NRP2: variants seen among roughly 807,000 people sequenced by gnomAD.
NRP2 encodes neuropilin 2.
A neutral mutation model predicts 110.4 loss-of-function variants in NRP2; 52 were observed. That is an observed-to-expected ratio of 0.47 (90% CI 0.38 to 0.59). The LOEUF (loss-of-function observed/expected upper bound fraction) is 0.59, where lower values mean the gene tolerates loss of function less well. NRP2 is among the 20% of genes least tolerant of loss of function. The pLI is 0.00. For synonymous variants in NRP2, 508 were observed against 468.9 expected (o/e 1.08, Z -1.08); for missense variants, 1,049 against 1,203.0 (o/e 0.87, Z 1.89).
chr2:205,794,834 T>C lies in NRP2; in HGVS notation c.2557T>C (p.Trp853Arg), dbSNP rs772477864. The C allele has an allele frequency of 5.6e-6, 9 of 1,614,208 alleles. No homozygotes were observed. In the South Asian group the frequency reaches 9.9e-5, roughly 18 times the overall value. ...CCCCTCGACCGACAAAGAAAAGAGC[T>C]GGCTGTACACCCTGGATCCCATCCT... is the stretch of plus-strand genomic sequence containing the variant. ...GAPSTDKEKS[W>R]LYTLDPILIT... The change falls in exon 17 of 17, where the codon TGG (tryptophan) becomes CGG (arginine). Residue 853 changes from tryptophan (W) to arginine (R), a missense_variant. By Grantham distance (101) the Trp-to-Arg change is moderately radical. Coordinates refer to ENST00000357785, the MANE Select transcript of NRP2 (RefSeq NM_003872.3).
At chr2:205,706,888 C>G (rs866484092) in intron 2 of NRP2, among the ~76,000 whole-genome samples, 1 of 152,162 alleles carries the variant, frequency 6.6e-6, no homozygotes, top group Admixed American at 6.5e-5. Context: ...CTCCACTGGT[C>G]GCTACAATAT....
At chr2:205,709,304 A>G (rs949728665) in intron 2 of NRP2, among the ~76,000 whole-genome samples, 8 of 152,158 alleles carry the variant, frequency 5.3e-5, no homozygotes, top group African/African-American at 1.9e-4. Context: ...CTGGCTCCCA[A>G]GGTGTCATGT....
At chr2:205,752,719 C>A in intron 11 of NRP2, 116 bp from the exon 12 acceptor site, 1 of 1,089,444 alleles carries the variant, frequency 9.2e-7, no homozygotes. Context: ...CAAAGGAAGC[C>A]ACTTCTTTCT....
chr2:205,785,919 T>C (rs2058231446), intron 15 of NRP2, among the ~76,000 whole-genome samples: 1 of 152,192 alleles, frequency 6.6e-6, no homozygotes, highest in Admixed American at 6.5e-5. Context: ...TTTTCCGCAC[T>C]TGAAACCATT....
intron 16 of NRP2, 23 bp downstream of exon 16, chr2:205,792,308 A>G: frequency 6.3e-7 from 1 of 1,583,466 alleles, no homozygotes; most frequent in Non-Finnish European, 8.7e-7. Flanking sequence ...ATGATTTAGC[A>G]GGTAATCGTA....
At position 205,743,394 on chromosome 2, in the gene NRP2, C is replaced by T; in HGVS notation, c.1483C>T (p.Pro495Ser). 2 of 1,614,246 alleles carry T rather than the reference C, an allele frequency of 1.2e-6. No homozygotes were observed. Among genetic ancestry groups the T allele is most frequent in the East Asian group, 2.2e-5 (1 of 44,884 alleles). The change falls in exon 9 of 17, where the codon CCC (proline) becomes TCC (serine). Residue 495 changes from proline (P) to serine (S), a missense_variant. Transcript: ENST00000357785. ...EEWLQVDLGT[P>S]KTVKGVIIQG... ...GTGGCTTCAGGTAGATCTGGGAACA[C>T]CCAAGACAGTGAAAGGTGTCATCAT...
chr2:205,791,392 G>T (rs2058299643), intron 15 of NRP2, among the ~76,000 whole-genome samples: 1 of 152,184 alleles, frequency 6.6e-6, no homozygotes, highest in Non-Finnish European at 1.5e-5. Context: ...ATAAGATGTT[G>T]CTCTTTGCCA....
At position 205,686,296 on chromosome 2, in the gene NRP2, A is replaced by C. The variant is rs896829121; in HGVS notation, c.73+2933A>C. 2.0e-5 allele frequency among the ~76,000 whole-genome samples: 3 copies of C among 151,998 alleles called. No individual in the cohort carries two copies. The highest frequency in any genetic ancestry group is 7.2e-5 in the African/African-American group (3 of 41,382). Reference sequence around the variant, plus strand: ...TTCTTCAACGCTGCCCTATGCCGGAAAGTTAGGTCTCGGCTGCAGCGCTGG... The same window carrying C: ...TTCTTCAACGCTGCCCTATGCCGGACAGTTAGGTCTCGGCTGCAGCGCTGG... On this transcript the variant is annotated intron_variant, in intron 1 of 16. Coordinates refer to ENST00000357785, the MANE Select transcript of NRP2 (RefSeq NM_003872.3). The surrounding 1 kb of genome is among the most constrained non-coding windows in gnomAD (Gnocchi z 4.7).
chr2:205,739,148 T>C (rs570619575), intron 7 of NRP2, among the ~76,000 whole-genome samples: 1 of 152,286 alleles, frequency 6.6e-6, no homozygotes, highest in South Asian at 2.1e-4. Flanking sequence ...ACAGTGACTC[T>C]ACCTCCATTC....
chr2:205,721,589 T>C (rs1490239610), intron 3 of NRP2, among the ~76,000 whole-genome samples: 3 of 152,132 alleles, frequency 2.0e-5, no homozygotes, highest in East Asian at 1.9e-4. Context: ...AATCCTCTTA[T>C]GAGCTCCTGT....
At chr2:205,734,505 C>T (rs531120997) in intron 7 of NRP2, among the ~76,000 whole-genome samples, 16 of 146,004 alleles carry the variant, frequency 1.1e-4, no homozygotes, top group Admixed American at 4.3e-4. Context: ...TTTATTTTTA[C>T]GTGTAGACCC....
At chr2:205,701,114 T>TA in intron 2 of NRP2, 1 of 163,906 alleles carries the variant, frequency 6.1e-6, no homozygotes, top group Non-Finnish European at 1.3e-5. Context: ...TTTCCATTTC[T>TA]AAAATTTAAA....
At chr2:205,724,731 C>G (rs1258731079) in intron 5 of NRP2, among the ~76,000 whole-genome samples, 1 of 133,358 alleles carries the variant, frequency 7.5e-6, no homozygotes, top group Non-Finnish European at 1.5e-5. Context: ...GGCTCAATCT[C>G]ACTCTTCCCA....
rs775609070 is a variant in NRP2, at chr2:205,745,802, T to G, written c.1698T>G (p.Ile566Met). Reference protein sequence around the residue: ...DTPDIRRFDPIPAQYVRVYPE... With the variant: ...DTPDIRRFDPMPAQYVRVYPE... ...CTGACATCCGAAGGTTTGACCCCAT[T>G]CCGGCACAGTATGTGCGGGTATACC... Residue 566 changes from isoleucine to methionine, a missense_variant, in exon 10 of 17, where the codon ATT becomes ATG. Transcript: ENST00000357785. 1 of 1,614,182 alleles carries G rather than the reference T, an allele frequency of 6.2e-7. No individual in the cohort carries two copies. Among genetic ancestry groups the G allele is most frequent in the Non-Finnish European group, 8.5e-7 (1 of 1,180,024 alleles).
intron 1 of NRP2, among the ~76,000 whole-genome samples, chr2:205,692,022 T>G (rs998010020): frequency 2.6e-5 from 4 of 152,186 alleles, no homozygotes; most frequent in African/African-American, 9.7e-5. Context: ...GTGAATTCAT[T>G]GGAGGTGTTT....
intron 2 of NRP2, among the ~76,000 whole-genome samples, chr2:205,709,439 A>T (rs889921415): frequency 6.6e-6 from 1 of 152,200 alleles, no homozygotes; most frequent in Admixed American, 6.5e-5. Flanking sequence ...GCCTGCATGT[A>T]CCTTCGCAAT....
At chr2:205,754,774 T>C (rs914716067) in intron 12 of NRP2, among the ~76,000 whole-genome samples, 2 of 150,464 alleles carry the variant, frequency 1.3e-5, no homozygotes, top group Non-Finnish European at 3.0e-5. Flanking sequence ...AATGTGTGTG[T>C]GCATGAGTGT....
chr2:205,715,672 C>G (rs532796521), intron 2 of NRP2, among the ~76,000 whole-genome samples: 1 of 152,148 alleles, frequency 6.6e-6, no homozygotes, highest in African/African-American at 2.4e-5. Context: ...AAACAAATGT[C>G]TCTGAAACAT....
intron 1 of NRP2, among the ~76,000 whole-genome samples, chr2:205,697,112 C>A (rs1176919960): frequency 6.6e-6 from 1 of 152,002 alleles, no homozygotes; most frequent in Non-Finnish European, 1.5e-5. Flanking sequence ...GCTGCCTGGG[C>A]TGGGCTGGGA....
Sources: allele counts gnomAD v4.1 joint callset (sites outside exome capture counted in the v4.1 genomes callset), GRCh38; gene constraint gnomAD v4.1.1; non-coding constraint Gnocchi (gnomAD v3.1); transcripts MANE v1.5; gene names NCBI Gene and HGNC (gene_info 2026-07-23, HGNC 2026-07-21).